Variants in NEU3 observed in about 807,000 individuals in gnomAD.
NEU3 encodes the protein neuraminidase 3.
A neutral mutation model predicts 11.4 loss-of-function variants in NEU3; 10 were observed. The ratio of observed to expected loss-of-function variants is 0.88; its 90% confidence interval spans 0.54 to 1.49. The LOEUF is 1.49. Ranked by LOEUF, NEU3 falls within the 40% of genes most tolerant of loss-of-function variation. NEU3 has a pLI of 0.00. For missense variants in NEU3, 529 were observed against 581.8 expected, an observed-to-expected ratio of 0.91 and a Z score of 0.93; for synonymous variants, 212 against 228.2, an observed-to-expected ratio of 0.93 and a Z score of 0.64.
chr11:75,005,829 AGG>A lies in NEU3; in HGVS notation c.726_727del (p.Val243HisfsTer6). ...CTCTGATGATCTACAGTGATGACCT[AGG>A]GGTCACATGGCACCATGGTAGACTC... ...HSLMIYSDDL[G>X]VTWHHGRLIR... On this transcript the variant is annotated frameshift_variant, in exon 3 of 3. Coordinates refer to ENST00000294064, the MANE Select transcript of NEU3 (RefSeq NM_006656.6). LOFTEE classifies it low-confidence loss of function (END_TRUNC). 6.2e-7 allele frequency: 1 copy of A among 1,613,948 alleles called. No homozygotes were observed. The highest frequency in any genetic ancestry group is 8.5e-7 in the Non-Finnish European group (1 of 1,179,836).
At chr11:75,002,981 G>T (rs1158004519) in intron 2 of NEU3, among the ~76,000 whole-genome samples, 1 of 152,152 alleles carries the variant, frequency 6.6e-6, no homozygotes, top group African/African-American at 2.4e-5. Flanking sequence ...GGATACTTGG[G>T]TTAGTTATTA....
chr11:74,998,751 T>C (rs750419623), intron 2 of NEU3, among the ~76,000 whole-genome samples: 1 of 152,232 alleles, frequency 6.6e-6, no homozygotes, highest in Non-Finnish European at 1.5e-5. Context: ...TGAAGTTTTT[T>C]ACTTTGTGGG....
downstream of NEU3, among the ~76,000 whole-genome samples, chr11:75,019,575 A>G (rs1418794186): frequency 6.6e-6 from 1 of 152,232 alleles, no homozygotes; most frequent in Non-Finnish European, 1.5e-5. Context: ...TATAGTAATC[A>G]TATTAGCCCA....
chr11:74,996,147 C>T (rs1182641944), intron 2 of NEU3, among the ~76,000 whole-genome samples: 1 of 152,250 alleles, frequency 6.6e-6, no homozygotes, highest in South Asian at 2.1e-4. Flanking sequence ...GAGCAATACC[C>T]TGTCTACCCC....
At chr11:74,988,375 C>G (rs1343121485), upstream of NEU3, 1 of 152,228 alleles carries the variant, frequency 6.6e-6, no homozygotes, top group South Asian at 2.1e-4. Context: ...TAAAAAATGA[C>G]CTTAGATCAG....
intron 1 of NEU3, among the ~76,000 whole-genome samples, chr11:74,991,493 G>A (rs866426906): frequency 3.9e-5 from 6 of 152,192 alleles, no homozygotes; most frequent in East Asian, 1.9e-4. Flanking sequence ...CAACTTTGCC[G>A]TATGGTTCAC....
chr11:75,005,154 G>A (rs1948884563), intron 2 of NEU3, among the ~76,000 whole-genome samples: 1 of 152,084 alleles, frequency 6.6e-6, no homozygotes, highest in Admixed American at 6.6e-5. Context: ...GGGTATGGAG[G>A]ATGATTTGGA....
At chr11:75,000,298 G>C (rs1311867864) in intron 2 of NEU3, among the ~76,000 whole-genome samples, 1 of 151,984 alleles carries the variant, frequency 6.6e-6, no homozygotes, top group African/African-American at 2.4e-5. Context: ...GTATAGTTCA[G>C]TAGTGCCAGG....
chr11:74,989,037 G>A lies in NEU3; in HGVS notation c.-24G>A, dbSNP rs1047634596. 9 of 1,536,964 alleles carry A rather than the reference G, an allele frequency of 5.9e-6. No individual in the cohort carries two copies. In the Admixed American group the frequency reaches 7.9e-5, roughly 13 times the overall value. ...TCTCAGTCTCCCCAGCCTTGGGGCC[G>A]GTGCCTCTTCCGGGCTTCGGCGAAT... On this transcript the variant is annotated 5_prime_UTR_variant, in exon 1 of 3. Coordinates refer to ENST00000294064, the MANE Select transcript of NEU3 (RefSeq NM_006656.6).
At chr11:75,001,913 T>C (rs1354964566) in intron 2 of NEU3, among the ~76,000 whole-genome samples, 1 of 152,206 alleles carries the variant, frequency 6.6e-6, no homozygotes, top group African/African-American at 2.4e-5. Context: ...AGGTATAGAA[T>C]GGGCTGTCCC....
At chr11:75,017,297 G>T (rs2140260404) in intron 3 of NEU3, among the ~76,000 whole-genome samples, 1 of 152,280 alleles carries the variant, frequency 6.6e-6, no homozygotes, top group African/African-American at 2.4e-5. Flanking sequence ...GCTTGATGGG[G>T]TGGCAGACAC....
At position 75,009,189 on chromosome 11, in the gene NEU3, TTAGGAAGAGAAA is replaced by T. The variant is rs1948930908; in HGVS notation, c.*2698_*2709del. 6.6e-6 allele frequency: 1 copy of T among 152,114 alleles called. No homozygotes were observed. Among genetic ancestry groups the T allele is most frequent in the African/African-American group, 2.4e-5 (1 of 41,386 alleles). The allele number at this position is 152,114 out of a possible 1,614,324, so 9.4% of individuals were successfully genotyped here. A position where few individuals can be genotyped will look rare whatever the true frequency, so the allele number is the denominator to read the frequency against. ...AGATCAGAAGAAGAGTCCTGGCACC[TTAGGAAGAGAAA>T]GTGTCACAGACACGAGGCCTAGGCT... On this transcript the variant is annotated 3_prime_UTR_variant, in exon 3 of 3. Coordinates refer to ENST00000294064, the MANE Select transcript of NEU3 (RefSeq NM_006656.6).
At chr11:74,993,404 C>T (rs1025433082) in intron 1 of NEU3, among the ~76,000 whole-genome samples, 2 of 152,136 alleles carry the variant, frequency 1.3e-5, no homozygotes, top group Non-Finnish European at 2.9e-5. Flanking sequence ...TGGGGTTTCA[C>T]CATGTTAGCC....
rs1391276173 is a variant in NEU3, at chr11:75,010,049, C to T, written c.*3557C>T. The T allele has an allele frequency of 1.3e-5, 2 of 152,196 alleles. No homozygotes were observed. The highest frequency in any genetic ancestry group is 3.9e-4 in the East Asian group (2 of 5,190). 9.4% of individuals were successfully genotyped at this position (152,196 alleles called of 1,614,324 possible). A position where few individuals can be genotyped will look rare whatever the true frequency, so the allele number is the denominator to read the frequency against. On this transcript the variant is annotated 3_prime_UTR_variant, in exon 3 of 3. Coordinates refer to ENST00000294064, the MANE Select transcript of NEU3 (RefSeq NM_006656.6). ...GGCTTCTCACTCTTCTTGAGTAGGC[C>T]ATAATCCACCTCTTCAGTAGGCCAT...
chr11:75,006,436 C>A lies in NEU3; in HGVS notation c.1330C>A (p.Leu444Met). The A allele has an allele frequency of 1.2e-6, 2 of 1,613,902 alleles. No homozygotes were observed. The highest frequency in any genetic ancestry group is 2.2e-5 in the South Asian group (2 of 91,080). Residue 444 changes from leucine (L) to methionine (M), a missense_variant, in exon 3 of 3, where the codon CTG becomes ATG. By Grantham distance (15) the Leu-to-Met change is conservative. Coordinates refer to ENST00000294064, the MANE Select transcript of NEU3 (RefSeq NM_006656.6). ...LFTHREILSH[L>M]QGDCTSPGRN... ...TACACACCGGGAGATCCTGAGTCACCTGCAGGGGGACTGCACCAGCCCTGG... is the reference window on the plus strand; with the variant it reads ...TACACACCGGGAGATCCTGAGTCACATGCAGGGGGACTGCACCAGCCCTGG...
intron 3 of NEU3, among the ~76,000 whole-genome samples, chr11:75,016,029 T>G (rs1948979597): frequency 6.6e-6 from 1 of 152,212 alleles, no homozygotes; most frequent in Admixed American, 6.5e-5. Context: ...TTACTTGGGC[T>G]GCCAAGGACT....
rs184113548 is a variant in NEU3 at position 75,006,283 on chromosome 11, C to G, written c.1177C>G (p.Pro393Ala). The G allele has an allele frequency of 6.2e-7, 1 of 1,614,014 alleles. No homozygotes were observed. Among genetic ancestry groups the G allele is most frequent in the Admixed American group, 1.7e-5 (1 of 60,026 alleles). The change falls in exon 3 of 3, where the codon CCC becomes GCC. Residue 393 changes from proline to alanine, a missense_variant. Pro to Ala is a conservative substitution (Grantham distance 27, BLOSUM62 -1). Coordinates refer to ENST00000294064, the MANE Select transcript of NEU3 (RefSeq NM_006656.6). Reference sequence around the variant, plus strand: ...CTTGGAGGCTGCCTGCTGGTCCCGCCCCTGGATCTTGCACTGTGGGCCCTG... The same window carrying G: ...CTTGGAGGCTGCCTGCTGGTCCCGCGCCTGGATCTTGCACTGTGGGCCCTG... ...TPLEAACWSR[P>A]WILHCGPCGY... is the part of the protein sequence containing the mutation.
intron 3 of NEU3, among the ~76,000 whole-genome samples, chr11:75,018,236 G>C (rs1430100811): frequency 3.3e-5 from 5 of 152,016 alleles, no homozygotes; most frequent in Admixed American, 2.6e-4. Flanking sequence ...TGGAGATAAG[G>C]TGAGCTTGTT....
chr11:74,985,799 T>G (rs1948662998), upstream of NEU3, among the ~76,000 whole-genome samples: 1 of 152,246 alleles, frequency 6.6e-6, no homozygotes, highest in South Asian at 2.1e-4. Flanking sequence ...GTGTAATGTT[T>G]CTGTCCAGGG....
Sources: gnomAD v4.1 joint callset for allele counts (sites outside exome capture counted in the v4.1 genomes callset) on GRCh38, gnomAD v4.1.1 for gene constraint, MANE v1.5 for transcripts, NCBI Gene and HGNC (gene_info 2026-07-23, HGNC 2026-07-21) for gene names.